Variants in UGT1A10 observed in about 807,000 individuals in gnomAD.
The protein encoded by UGT1A10 is UDP-glucuronosyltransferase 1A10.
Under a neutral mutation model 45.8 loss-of-function variants are expected in UGT1A10, and 49 were observed. The observed-to-expected ratio is 1.07, with a 90% CI of 0.85 to 1.36. UGT1A10 has a LOEUF of 1.36. Among genes scored for constraint, UGT1A10 ranks in the 40% most tolerant of loss-of-function variants. UGT1A10 has a pLI of 0.00. For synonymous variants in UGT1A10, 284 were observed against 249.7 expected (o/e 1.14, Z -1.29); for missense variants, 745 against 668.6 (o/e 1.11, Z -1.26).
intron 1 of UGT1A10, among the ~76,000 whole-genome samples, chr2:233,659,173 A>C (rs984722355): frequency 5.3e-5 from 8 of 152,114 alleles, no homozygotes; most frequent in African/African-American, 1.9e-4. Context: ...CATGTTTTTG[A>C]TGTTAAGTGG....
intron 1 of UGT1A10, chr2:233,672,218 A>G (rs1248602298): frequency 2.5e-6 from 4 of 1,614,098 alleles, no homozygotes; most frequent in Admixed American, 1.7e-5. Flanking sequence ...GCTTTTGCCC[A>G]TGCTCAATGG....
At chr2:233,657,500 A>C (rs1349875947) in intron 1 of UGT1A10, among the ~76,000 whole-genome samples, 1 of 152,194 alleles carries the variant, frequency 6.6e-6, no homozygotes, top group Non-Finnish European at 1.5e-5. Context: ...CAGTTCTTGC[A>C]GGAGCAATAG....
intron 1 of UGT1A10, among the ~76,000 whole-genome samples, chr2:233,647,568 G>C (rs1401170290): frequency 2.0e-5 from 3 of 152,160 alleles, no homozygotes; most frequent in Non-Finnish European, 4.4e-5. Context: ...AATTTAAAAG[G>C]TACAGATTAT....
At chr2:233,675,345 C>T (rs1015378798) in intron 1 of UGT1A10, among the ~76,000 whole-genome samples, 2 of 152,146 alleles carry the variant, frequency 1.3e-5, no homozygotes, top group Non-Finnish European at 2.9e-5. Context: ...TTCAGCAGAA[C>T]ATTGAAATAG....
Position 233,637,206 on chromosome 2 carries a change from A to G in UGT1A10, c.684A>G (p.Leu228=), listed in dbSNP as rs45522639. 2 of 1,613,984 alleles carry G rather than the reference A, an allele frequency of 1.2e-6. No individual in the cohort carries two copies. Among genetic ancestry groups the G allele is most frequent in the South Asian group, 1.1e-5 (1 of 91,078 alleles). The change falls in exon 1 of 5, where the codon CTA becomes CTG. Residue 228 remains leucine, a synonymous_variant. Coordinates refer to ENST00000344644, the MANE Select transcript of UGT1A10 (RefSeq NM_019075.4). ...LFCQYLFRNA[L]EIASEILQTP... ...GCCAGTATCTTTTTAGAAATGCCCT[A>G]GAAATAGCCTCTGAAATTCTCCAAA...
intron 1 of UGT1A10, among the ~76,000 whole-genome samples, chr2:233,757,422 GAAGAA>G (rs1401063463): frequency 6.6e-6 from 1 of 151,344 alleles, no homozygotes; most frequent in African/African-American, 2.4e-5. Flanking sequence ...AACGAAAAGA[GAAGAA>G]AAGTCACTTC....
intron 1 of UGT1A10, chr2:233,753,403 T>C (rs149143287): frequency 6.6e-6 from 1 of 152,326 alleles, no homozygotes; most frequent in East Asian, 1.9e-4. Flanking sequence ...CTAGAGCATA[T>C]CCAAACCCAT....
chr2:233,743,915 A>G (rs769255302), intron 1 of UGT1A10: 3 of 1,364,544 alleles, frequency 2.2e-6, no homozygotes, highest in East Asian at 4.6e-5. Flanking sequence ...GTAGTCCACC[A>G]TGCTGGATGG....
intron 1 of UGT1A10, among the ~76,000 whole-genome samples, chr2:233,662,237 T>C (rs760039043): frequency 2.6e-5 from 4 of 152,348 alleles, no homozygotes; most frequent in Admixed American, 6.5e-5. Flanking sequence ...TATAATATGG[T>C]AGTAAATGAT....
At chr2:233,704,433 A>T (rs1354285522) in intron 1 of UGT1A10, among the ~76,000 whole-genome samples, 1 of 152,142 alleles carries the variant, frequency 6.6e-6, no homozygotes, top group African/African-American at 2.4e-5. Context: ...TTCCAGTTAA[A>T]TATTGAAATG....
intron 1 of UGT1A10, among the ~76,000 whole-genome samples, chr2:233,651,294 G>T (rs543739402): frequency 6.6e-6 from 1 of 152,080 alleles, no homozygotes; most frequent in Non-Finnish European, 1.5e-5. Flanking sequence ...GGCTCACAGG[G>T]TCACCCAGAG....
chr2:233,706,644 G>A (rs908967467), intron 1 of UGT1A10, among the ~76,000 whole-genome samples: 2 of 152,156 alleles, frequency 1.3e-5, no homozygotes, highest in African/African-American at 4.8e-5. Context: ...CTGTGTCTGT[G>A]CCCCATCACT....
Position 233,719,292 on chromosome 2 carries a change from G to A in UGT1A10, c.856-47742G>A, listed in dbSNP as rs146073833. 838 of 1,613,610 alleles carry A rather than the reference G, an allele frequency of 5.2e-4. 5 individuals are homozygous for A. The African/African-American group carries it at 8.5e-3, about 16-fold the overall frequency. On this transcript the variant is annotated intron_variant, in intron 1 of 4. Transcript: ENST00000344644. ...TTTAACAGACCCCGTTAACCTCTGTGGGGCGGTGCTGGCTAAGTACCTGTC... is the reference window on the plus strand; with the variant it reads ...TTTAACAGACCCCGTTAACCTCTGTAGGGCGGTGCTGGCTAAGTACCTGTC...
At chr2:233,739,962 A>G (rs1691266437) in intron 1 of UGT1A10, among the ~76,000 whole-genome samples, 1 of 151,874 alleles carries the variant, frequency 6.6e-6, no homozygotes, top group Non-Finnish European at 1.5e-5. Flanking sequence ...AGCTGATTGA[A>G]TCATATCGGC....
intron 1 of UGT1A10, among the ~76,000 whole-genome samples, chr2:233,684,990 G>A (rs1326725422): frequency 6.6e-6 from 1 of 152,146 alleles, no homozygotes; most frequent in African/African-American, 2.4e-5. Context: ...TGCAGTGTGT[G>A]TGTATGTGGT....
intron 1 of UGT1A10, among the ~76,000 whole-genome samples, chr2:233,665,909 A>G (rs1444282925): frequency 1.3e-5 from 2 of 152,192 alleles, no homozygotes; most frequent in African/African-American, 2.4e-5. Flanking sequence ...CCACCTGCAT[A>G]TGAGAGGTCC....
At chr2:233,757,721 G>A (rs1696705329) in intron 1 of UGT1A10, among the ~76,000 whole-genome samples, 1 of 151,638 alleles carries the variant, frequency 6.6e-6, no homozygotes, top group Non-Finnish European at 1.5e-5. Flanking sequence ...GGAGGGTCCT[G>A]TAGATGATCT....
At chr2:233,701,489 C>T (rs4024061) in intron 1 of UGT1A10, among the ~76,000 whole-genome samples, 4,094 of 152,166 alleles carry the variant, frequency 0.027, 90 homozygotes, top group African/African-American at 0.046. Context: ...CTGCACCAAG[C>T]GGACCTAATA....
chr2:233,722,845 CTT>C (rs61550889), intron 1 of UGT1A10, among the ~76,000 whole-genome samples: 22 of 135,308 alleles, frequency 1.6e-4, no homozygotes, highest in African/African-American at 3.8e-4. Flanking sequence ...AAGAATGTTT[CTT>C]TTTTTTTTTT....
Sources: allele counts gnomAD v4.1 joint callset (sites outside exome capture counted in the v4.1 genomes callset), GRCh38; gene constraint gnomAD v4.1.1; transcripts MANE v1.5; gene names NCBI Gene and HGNC (gene_info 2026-07-23, HGNC 2026-07-21).